The following RAB3C variants were observed in gnomAD, a reference collection of about 807,000 sequenced individuals.
RAB3C encodes ras-related protein Rab-3C.
A neutral mutation model predicts 26.4 loss-of-function variants in RAB3C; 17 were observed. The observed-to-expected ratio is 0.64, with a 90% CI of 0.44 to 0.97. The LOEUF is 0.97. RAB3C is among the 50% of genes least tolerant of loss of function. The pLI is 0.00. For synonymous variants in RAB3C, 91 were observed against 95.9 expected, an observed-to-expected ratio of 0.95 and a Z score of 0.30; for missense variants, 242 against 281.9, an observed-to-expected ratio of 0.86 and a Z score of 1.01.
intron 2 of RAB3C, among the ~76,000 whole-genome samples, chr5:58,664,839 C>G (rs1043749823): frequency 6.6e-6 from 1 of 152,038 alleles, no homozygotes; most frequent in Non-Finnish European, 1.5e-5. Flanking sequence ...TGGCTCCTGA[C>G]GTCCCTTCCC....
intron 2 of RAB3C, among the ~76,000 whole-genome samples, chr5:58,716,600 ACC>A (rs966744323): frequency 1.3e-5 from 2 of 152,002 alleles, no homozygotes; most frequent in Admixed American, 6.6e-5. Flanking sequence ...TATATGTAAC[ACC>A]CTGTTTAAGT....
At chr5:58,694,882 C>T (rs962172863) in intron 2 of RAB3C, among the ~76,000 whole-genome samples, 4 of 152,090 alleles carry the variant, frequency 2.6e-5, no homozygotes, top group Non-Finnish European at 4.4e-5. Flanking sequence ...CTGTAGGTTG[C>T]CTGTTCACTC....
At chr5:58,707,844 T>C (rs985346619) in intron 2 of RAB3C, among the ~76,000 whole-genome samples, 1 of 152,156 alleles carries the variant, frequency 6.6e-6, no homozygotes, top group African/African-American at 2.4e-5. Flanking sequence ...CTCTTCACTC[T>C]ATTTTTCCCC....
At chr5:58,708,617 TA>T (rs928223195) in intron 2 of RAB3C, among the ~76,000 whole-genome samples, 37 of 152,266 alleles carry the variant, frequency 2.4e-4, no homozygotes, top group African/African-American at 7.5e-4. Flanking sequence ...GTTTACAGGG[TA>T]AGAAAAATAC....
intron 2 of RAB3C, among the ~76,000 whole-genome samples, chr5:58,631,172 T>C (rs561623225): frequency 7.9e-5 from 12 of 152,328 alleles, no homozygotes; most frequent in African/African-American, 2.2e-4. Context: ...ATAGGTCCTG[T>C]GGCCCCACCT....
chr5:58,634,471 G>C (rs1747247478), intron 2 of RAB3C, among the ~76,000 whole-genome samples: 1 of 152,110 alleles, frequency 6.6e-6, no homozygotes, highest in East Asian at 1.9e-4. Context: ...GGGCATATTA[G>C]AATATCTCCC....
At chr5:58,787,524 ATTAC>A (rs1742418855) in intron 3 of RAB3C, among the ~76,000 whole-genome samples, 1 of 152,154 alleles carries the variant, frequency 6.6e-6, no homozygotes, top group African/African-American at 2.4e-5. Context: ...TAAGTTTTTA[ATTAC>A]TTAAGAAGAA....
At chr5:58,825,327 C>T (rs1301885197) in intron 4 of RAB3C, among the ~76,000 whole-genome samples, 165 bp downstream of exon 4, 1 of 152,184 alleles carries the variant, frequency 6.6e-6, no homozygotes, top group African/African-American at 2.4e-5. Context: ...TTTTCTCCCA[C>T]TTACTATGGC....
chr5:58,729,269 TATAAC>T (rs1740951489), intron 3 of RAB3C, among the ~76,000 whole-genome samples: 1 of 152,102 alleles, frequency 6.6e-6, no homozygotes, highest in Non-Finnish European at 1.5e-5. Context: ...GTAAAATATA[TATAAC>T]ATAAGATTTA....
At chr5:58,706,181 AT>A (rs1748940867) in intron 2 of RAB3C, among the ~76,000 whole-genome samples, 1 of 152,196 alleles carries the variant, frequency 6.6e-6, no homozygotes. Flanking sequence ...TATGGTGGCC[AT>A]GTTGAATGAT....
At chr5:58,770,615 A>G (rs1742011693) in intron 3 of RAB3C, among the ~76,000 whole-genome samples, 1 of 152,148 alleles carries the variant, frequency 6.6e-6, no homozygotes, top group Non-Finnish European at 1.5e-5. Context: ...ATAAGAAAAT[A>G]TGTTTAATAA....
intron 3 of RAB3C, chr5:58,814,853 A>G (rs941489400): frequency 2.6e-5 from 4 of 152,238 alleles, no homozygotes; most frequent in African/African-American, 9.6e-5. Context: ...TAAGACAGGC[A>G]TGATGGAAAT....
chr5:58,855,067 T>G lies in RAB3C; in HGVS notation c.*3716T>G, dbSNP rs185080807. On this transcript the variant is annotated 3_prime_UTR_variant, in exon 5 of 5. Transcript: ENST00000282878. ...ATGAAGCAACATTAATTTTAGAGCA[T>G]GGTAGTCCATAATCAGTGGTTCATT... 1.2e-4 allele frequency: 19 copies of G among 152,288 alleles called. No homozygotes were observed. Among genetic ancestry groups the G allele is most frequent in the African/African-American group, 4.6e-4 (19 of 41,568 alleles). 9.4% of individuals were successfully genotyped at this position (152,288 alleles called of 1,614,324 possible).
At chr5:58,598,549 A>G (rs916982945) in intron 1 of RAB3C, among the ~76,000 whole-genome samples, 11 of 152,084 alleles carry the variant, frequency 7.2e-5, no homozygotes, top group Non-Finnish European at 1.6e-4. Context: ...TCATGAGTTT[A>G]GCAGATTTTT....
intron 4 of RAB3C, among the ~76,000 whole-genome samples, chr5:58,828,138 A>G (rs1057026802): frequency 6.6e-6 from 1 of 152,312 alleles, no homozygotes; most frequent in East Asian, 1.9e-4. Context: ...GTCGGTCGCA[A>G]TCCAGTTTAG....
At chr5:58,828,248 T>G (rs1244503742) in intron 4 of RAB3C, among the ~76,000 whole-genome samples, 1 of 152,222 alleles carries the variant, frequency 6.6e-6, no homozygotes, top group Non-Finnish European at 1.5e-5. Flanking sequence ...ATGCCTGAGA[T>G]AGACTACACA....
At chr5:58,676,859 A>G (rs1161605471) in intron 2 of RAB3C, among the ~76,000 whole-genome samples, 1 of 152,054 alleles carries the variant, frequency 6.6e-6, no homozygotes, top group Admixed American at 6.6e-5. Context: ...TTATCAATGT[A>G]TTTTCTGGCT....
At chr5:58,677,690 T>G (rs2111834857) in intron 2 of RAB3C, among the ~76,000 whole-genome samples, 1 of 152,320 alleles carries the variant, frequency 6.6e-6, no homozygotes, top group Admixed American at 6.5e-5. Flanking sequence ...TTGTTAAGTT[T>G]ATAACTAGAA....
At chr5:58,599,663 T>C (rs1468807541) in intron 1 of RAB3C, among the ~76,000 whole-genome samples, 1 of 152,122 alleles carries the variant, frequency 6.6e-6, no homozygotes, top group East Asian at 1.9e-4. Flanking sequence ...AGTTTTCACA[T>C]GGTTTGATAA....
Sources: allele counts gnomAD v4.1 joint callset (sites outside exome capture counted in the v4.1 genomes callset), GRCh38; gene constraint gnomAD v4.1.1; transcripts MANE v1.5; gene names NCBI Gene and HGNC (gene_info 2026-07-23, HGNC 2026-07-21).